Variants in AATK observed in about 807,000 individuals in gnomAD.
The protein encoded by AATK is serine/threonine-protein kinase LMTK1.
A neutral mutation model predicts 114.3 loss-of-function variants in AATK; 91 were observed. The observed-to-expected ratio is 0.80, with a 90% CI of 0.67 to 0.95. The LOEUF is 0.95. AATK is among the 40% of genes least tolerant of loss of function. The pLI, the probability that AATK is intolerant of heterozygous loss-of-function variation, is 0.00. For missense variants in AATK, 2,176 were observed against 1,965.2 expected (o/e 1.11, Z -2.03); for synonymous variants, 1,075 against 916.5 (o/e 1.17, Z -3.12).
chr17:81,129,139 C>A (rs2060892645), intron 3 of AATK, among the ~76,000 whole-genome samples: 1 of 152,260 alleles, frequency 6.6e-6, no homozygotes, highest in Non-Finnish European at 1.5e-5. Flanking sequence ...CCTGCCCACG[C>A]CCCGAGGGAT....
At chr17:81,151,925 T>C (rs758467539) in intron 1 of AATK, among the ~76,000 whole-genome samples, 30 of 152,206 alleles carry the variant, frequency 2.0e-4, no homozygotes, top group Non-Finnish European at 3.2e-4. Context: ...CACCAAATTA[T>C]TCAATCACGT....
rs1390399967 is a variant in AATK at position 81,145,916 on chromosome 17, G to C, written c.56-11415C>G. On this transcript the variant is annotated intron_variant, in intron 1 of 13. Coordinates refer to ENST00000326724, the MANE Select transcript of AATK (RefSeq NM_001080395.3). Reference sequence around the variant, plus strand: ...CCCAAACATAAACAAGACTGAGCGCGGTGGCTCACACCCACAATCCCAGCA... The same window carrying C: ...CCCAAACATAAACAAGACTGAGCGCCGTGGCTCACACCCACAATCCCAGCA... Among the ~76,000 whole-genome samples, 4 of 151,540 alleles carry C rather than the reference G, an allele frequency of 2.6e-5. No individual in the cohort carries two copies. The South Asian group carries it at 8.3e-4, about 32-fold the overall frequency.
At chr17:81,156,922 C>A (rs1298994044) in intron 1 of AATK, among the ~76,000 whole-genome samples, 1 of 52,906 alleles carries the variant, frequency 1.9e-5, no homozygotes, top group East Asian at 7.1e-4. Flanking sequence ...AGAAGCAGGG[C>A]CCTGGGCGGG....
intron 1 of AATK, among the ~76,000 whole-genome samples, chr17:81,158,372 T>C (rs987993765): frequency 5.9e-5 from 9 of 152,140 alleles, no homozygotes; most frequent in African/African-American, 1.7e-4. Flanking sequence ...GGAGAGAAGG[T>C]GCCTGAGCCT....
At chr17:81,135,857 CAAAGCAAGA>C (rs1293125456) in intron 1 of AATK, 1 of 152,618 alleles carries the variant, frequency 6.6e-6, no homozygotes, top group East Asian at 1.9e-4. Context: ...GGGCGGCCAG[CAAAGCAAGA>C]CCTGGGTCAC....
intron 2 of AATK, 66 bp downstream of exon 2, chr17:81,134,302 T>C: frequency 6.3e-7 from 1 of 1,582,934 alleles, no homozygotes; most frequent in Non-Finnish European, 8.6e-7. Flanking sequence ...AAGCTCAGGG[T>C]CAAGTGGACG....
intron 1 of AATK, among the ~76,000 whole-genome samples, chr17:81,152,770 A>G (rs898624126): frequency 6.6e-6 from 1 of 152,126 alleles, no homozygotes; most frequent in African/African-American, 2.4e-5. Context: ...AATATTTAGT[A>G]TTAAATCTAA....
chr17:81,130,714 C>A (rs2060916869), intron 3 of AATK, among the ~76,000 whole-genome samples: 1 of 152,126 alleles, frequency 6.6e-6, no homozygotes. Flanking sequence ...AGAGCCCGCA[C>A]CCCTGCCCCA....
intron 1 of AATK, among the ~76,000 whole-genome samples, chr17:81,138,427 ACATG>A (rs985824724): frequency 1.4e-4 from 20 of 144,440 alleles, no homozygotes; most frequent in African/African-American, 5.2e-4. Context: ...ATACCCATAC[ACATG>A]CAAACACACC....
intron 1 of AATK, among the ~76,000 whole-genome samples, chr17:81,157,725 T>G (rs2061383724): frequency 6.6e-6 from 1 of 151,940 alleles, no homozygotes; most frequent in African/African-American, 2.4e-5. Context: ...GGTCCAAGGG[T>G]GGGAAGGGCA....
At chr17:81,139,842 C>T (rs188668929) in intron 1 of AATK, among the ~76,000 whole-genome samples, 37 of 152,324 alleles carry the variant, frequency 2.4e-4, no homozygotes, top group Admixed American at 2.1e-3. Context: ...GTGACACCAG[C>T]ATGCACACAC....
rs1015416464 is a variant in AATK at position 81,138,525 on chromosome 17, C to T, written c.56-4024G>A. ...CGTGCAGACACAATGCACCCACACA[C>T]GTGCACATACACGTTCGCGTGCACA... On this transcript the variant is annotated intron_variant, in intron 1 of 13. Transcript: ENST00000326724. Among the ~76,000 whole-genome samples the T allele has an allele frequency of 2.0e-5, 3 of 150,554 alleles. No individual in the cohort carries two copies. In the East Asian group the frequency reaches 6.0e-4, roughly 30 times the overall value.
intron 3 of AATK, among the ~76,000 whole-genome samples, 167 bp downstream of exon 3, chr17:81,130,882 GGCCTGTGACGCA>G (rs1222356786): frequency 7.9e-5 from 12 of 152,330 alleles, no homozygotes; most frequent in Non-Finnish European, 1.0e-4. Flanking sequence ...CCCACAGTGC[GGCCTGTGACGCA>G]GCCACAGGGA....
intron 1 of AATK, among the ~76,000 whole-genome samples, chr17:81,140,704 G>A (rs2061112716): frequency 7.9e-6 from 1 of 127,250 alleles, no homozygotes; most frequent in African/African-American, 3.0e-5. Flanking sequence ...TTGAGCTGTG[G>A]GGCGGTGAGA....
chr17:81,131,198 T>C lies in AATK; in HGVS notation c.197A>G (p.Glu66Gly), dbSNP rs776959827. The change falls in exon 3 of 14, where the codon GAG becomes GGG. Residue 66 changes from glutamate (E) to glycine (G), a missense_variant. Coordinates refer to ENST00000326724, the MANE Select transcript of AATK (RefSeq NM_001080395.3). ...TGCGTACTCGTCCCCCTCCGCATTC[T>C]CAAACTCCTGCGGGCCGGGCCGGGC... ...KKGGIGFKEF[E>G]NAEGDEYAAD... 3 of 1,578,304 alleles carry C rather than the reference T, an allele frequency of 1.9e-6. No homozygotes were observed. The highest frequency in any genetic ancestry group is 2.6e-6 in the Non-Finnish European group (3 of 1,165,274).
At chr17:81,161,627 G>A (rs1021762546) in intron 1 of AATK, among the ~76,000 whole-genome samples, 5 of 152,150 alleles carry the variant, frequency 3.3e-5, no homozygotes, top group African/African-American at 9.7e-5. Flanking sequence ...GACGGCCCCC[G>A]GGTTCTCTCA....
At position 81,131,760 on chromosome 17, in the gene AATK, G is replaced by C. The variant is rs1055828067; in HGVS notation, c.190-555C>G. 7 of 1,201,402 alleles carry C rather than the reference G, an allele frequency of 5.8e-6. No homozygotes were observed. The African/African-American group carries it at 6.3e-5, about 11-fold the overall frequency. The allele number at this position is 1,201,402 out of a possible 1,614,324, so 74.4% of individuals were successfully genotyped here. A position where few individuals can be genotyped will look rare whatever the true frequency, so the allele number is the denominator to read the frequency against. On this transcript the variant is annotated intron_variant, in intron 2 of 13. Transcript: ENST00000326724. Reference sequence around the variant, plus strand: ...TCCCACCCTCCCATGGCGCAGCTTCGGGGACAGGAATTCCATCACCCCCTG... The same window carrying C: ...TCCCACCCTCCCATGGCGCAGCTTCCGGGACAGGAATTCCATCACCCCCTG...
intron 9 of AATK, among the ~76,000 whole-genome samples, chr17:81,124,218 C>G (rs548674431): frequency 6.6e-6 from 1 of 152,100 alleles, no homozygotes; most frequent in Non-Finnish European, 1.5e-5. Flanking sequence ...GGCGCCCACC[C>G]CGGGGCGGAC....
intron 1 of AATK, among the ~76,000 whole-genome samples, chr17:81,139,347 C>T (rs2061087650): frequency 6.6e-6 from 1 of 152,216 alleles, no homozygotes; most frequent in Admixed American, 6.5e-5. Context: ...GCTTGCCTGT[C>T]CCTCTCATTA....
Sources: allele counts gnomAD v4.1 joint callset (sites outside exome capture counted in the v4.1 genomes callset), GRCh38; gene constraint gnomAD v4.1.1; transcripts MANE v1.5; gene names NCBI Gene and HGNC (gene_info 2026-07-23, HGNC 2026-07-21).